Variants in MYO7A observed in about 807,000 individuals in gnomAD.
MYO7A encodes unconventional myosin-VIIa.
MYO7A carries 210 observed loss-of-function variants against 263.8 expected under a neutral mutation model. That is an observed-to-expected ratio of 0.80 (90% CI 0.71 to 0.89). MYO7A has a LOEUF of 0.89. Among genes scored for constraint, MYO7A ranks in the 40% least tolerant of loss-of-function variants. The pLI is 0.00. For synonymous variants in MYO7A, 1,239 were observed against 1,197.3 expected (o/e 1.03, Z -0.72); for missense variants, 2,820 against 2,968.3 (o/e 0.95, Z 1.16).
At chr11:77,212,076 G>A in intron 46 of MYO7A, 139 bp downstream of exon 46, 7 of 762,370 alleles carry the variant, frequency 9.2e-6, no homozygotes, top group Non-Finnish European at 1.4e-5. Flanking sequence ...AGCACCCTCA[G>A]CCTTGTCCCA....
At chr11:77,212,527 G>GT (rs1957954976) in intron 46 of MYO7A, 1 of 344,528 alleles carries the variant, frequency 2.9e-6, no homozygotes, top group Non-Finnish European at 5.7e-6. Context: ...CAGGCTGCGG[G>GT]TGGAGGAGGG....
At position 77,162,160 on chromosome 11, in the gene MYO7A, C is replaced by A. The variant is rs782309275; in HGVS notation, c.1384C>A (p.Gln462Lys). ...LCINFANEHL[Q>K]QFFVRHVFKL... is the part of the protein sequence containing the mutation. ...CATCAACTTCGCCAATGAGCACCTG[C>A]AGCAGTTCTTTGTGCGGCACGTGTT... Residue 462 changes from glutamine (Q) to lysine (K), a missense_variant, in exon 13 of 49, where the codon CAG becomes AAG. By Grantham distance (53) the Gln-to-Lys change is moderately conservative (BLOSUM62 1). Transcript: ENST00000409709. 1 of 1,604,294 alleles carries A rather than the reference C, an allele frequency of 6.2e-7. No individual in the cohort carries two copies. Among genetic ancestry groups the A allele is most frequent in the Non-Finnish European group, 8.5e-7 (1 of 1,175,542 alleles).
Position 77,189,371 on chromosome 11 carries a change from G to A in MYO7A, c.3531G>A (p.Lys1177=). 1.2e-6 allele frequency: 2 copies of A among 1,613,732 alleles called. No homozygotes were observed. The highest frequency in any genetic ancestry group is 1.1e-5 in the South Asian group (1 of 91,084). Residue 1177 remains lysine, a synonymous_variant, in exon 28 of 49, where the codon AAG becomes AAA. Coordinates refer to ENST00000409709, the MANE Select transcript of MYO7A (RefSeq NM_000260.4). The part of the protein sequence containing the change: ...LRDEIYCQIS[K]QLTHNPSKSS... ...ACGAGATCTACTGCCAGATCAGCAA[G>A]CAGCTGACCCACAACCCCTCCAAGA...
chr11:77,158,932 G>A (rs1952737441), intron 9 of MYO7A, among the ~76,000 whole-genome samples: 1 of 152,166 alleles, frequency 6.6e-6, no homozygotes, highest in Admixed American at 6.5e-5. Flanking sequence ...CTGATTCCCA[G>A]CATGGTCCCC....
intron 2 of MYO7A, among the ~76,000 whole-genome samples, chr11:77,142,092 C>G (rs541010922): frequency 2.0e-5 from 3 of 152,338 alleles, no homozygotes; most frequent in South Asian, 4.1e-4. Context: ...CTCACGATCC[C>G]TTGCTGAATG....
intron 15 of MYO7A, among the ~76,000 whole-genome samples, chr11:77,171,225 A>G (rs1954057095): frequency 2.0e-5 from 3 of 152,128 alleles, no homozygotes; most frequent in Admixed American, 2.0e-4. Context: ...GTGTATGTGC[A>G]TGCTGAGGTT....
intron 2 of MYO7A, among the ~76,000 whole-genome samples, chr11:77,132,729 C>T (rs149072527): frequency 0.024 from 3,598 of 152,274 alleles, 48 homozygotes; most frequent in Non-Finnish European, 0.037. Flanking sequence ...CCTCGTGATC[C>T]GCCCACCTCG....
chr11:77,153,306 T>C (rs1254138748), intron 4 of MYO7A, among the ~76,000 whole-genome samples: 8 of 151,848 alleles, frequency 5.3e-5, no homozygotes, highest in African/African-American at 1.9e-4. Context: ...AGGGATGTGA[T>C]GGTGCTGTTG....
intron 29 of MYO7A, 38 bp from the exon 30 acceptor site, chr11:77,190,659 G>A (rs1180630938): frequency 6.4e-7 from 1 of 1,557,038 alleles, no homozygotes; most frequent in Admixed American, 1.9e-5. Context: ...CAGGTCTGAA[G>A]GGAAGGGACC....
intron 9 of MYO7A, among the ~76,000 whole-genome samples, chr11:77,158,858 A>C (rs1322559294): frequency 6.6e-6 from 1 of 152,218 alleles, no homozygotes; most frequent in Non-Finnish European, 1.5e-5. Flanking sequence ...TTGGACACCC[A>C]CTATGTGCCA....
intron 41 of MYO7A, chr11:77,206,964 C>T (rs546017137): frequency 2.3e-4 from 52 of 224,476 alleles, no homozygotes; most frequent in Non-Finnish European, 4.2e-4. Context: ...TTTCCTCTAC[C>T]TCAAGTCTCC....
chr11:77,173,754 C>A (rs112258821), intron 16 of MYO7A, among the ~76,000 whole-genome samples: 16 of 152,210 alleles, frequency 1.1e-4, no homozygotes, highest in African/African-American at 3.6e-4. Flanking sequence ...AAGACCGTCC[C>A]CTCCTGCTGC....
chr11:77,202,356 G>A lies in MYO7A; in HGVS notation c.5100G>A (p.Leu1700=). 1.3e-6 allele frequency: 2 copies of A among 1,570,700 alleles called. No individual in the cohort carries two copies. Among genetic ancestry groups the A allele is most frequent in the Non-Finnish European group, 1.7e-6 (2 of 1,157,232 alleles). The change falls in exon 37 of 49, where the codon CTG becomes CTA. Residue 1700 remains leucine (L), a synonymous_variant. Transcript: ENST00000409709. ...QRQDVVRLLQ[L]RTAEPEVRAK... ...AGGACGTTGTCCGGCTCTTGCAGCT[G>A]CGAACGGCGGAGCCCGAGGTGCGTG...
intron 3 of MYO7A, among the ~76,000 whole-genome samples, chr11:77,144,705 G>A (rs1951446733): frequency 6.6e-6 from 1 of 152,164 alleles, no homozygotes; most frequent in South Asian, 2.1e-4. Flanking sequence ...GTCCCATCTG[G>A]TTCCCCAGAG....
chr11:77,187,263 T>C (rs1955716175), intron 27 of MYO7A, among the ~76,000 whole-genome samples: 1 of 152,208 alleles, frequency 6.6e-6, no homozygotes, highest in Non-Finnish European at 1.5e-5. Flanking sequence ...GTTGGAGAAA[T>C]GGTGCTGGTA....
chr11:77,171,537 C>T (rs899897370), intron 15 of MYO7A, among the ~76,000 whole-genome samples: 3 of 152,160 alleles, frequency 2.0e-5, no homozygotes, highest in African/African-American at 7.2e-5. Context: ...CTCGGAAGGC[C>T]TCATCACAGT....
chr11:77,137,312 G>C (rs782523502), intron 2 of MYO7A, among the ~76,000 whole-genome samples: 26 of 152,260 alleles, frequency 1.7e-4, no homozygotes, highest in African/African-American at 6.3e-4. Flanking sequence ...CCCTGTGTGA[G>C]GCATCACCGT....
intron 47 of MYO7A, among the ~76,000 whole-genome samples, chr11:77,213,540 T>C (rs1246389111): frequency 1.3e-5 from 2 of 152,140 alleles, no homozygotes; most frequent in Non-Finnish European, 2.9e-5. Context: ...TTCCCAAGGT[T>C]CTGCCCTGTC....
intron 35 of MYO7A, among the ~76,000 whole-genome samples, chr11:77,201,027 G>A (rs1216409428): frequency 1.3e-5 from 2 of 152,240 alleles, no homozygotes; most frequent in Non-Finnish European, 2.9e-5. Context: ...GAGGCCCCAT[G>A]CCGACTGGGG....
Sources: gnomAD v4.1 joint callset for allele counts (sites outside exome capture counted in the v4.1 genomes callset) on GRCh38, gnomAD v4.1.1 for gene constraint, MANE v1.5 for transcripts, NCBI Gene and HGNC (gene_info 2026-07-23, HGNC 2026-07-21) for gene names.